EP400: variants seen among roughly 807,000 people sequenced by gnomAD.
EP400 encodes the protein E1A-binding protein p400.
Under a neutral mutation model 354.1 loss-of-function variants are expected in EP400, and 105 were observed. That is an observed-to-expected ratio of 0.30 (90% CI 0.25 to 0.35). The LOEUF (loss-of-function observed/expected upper bound fraction) is 0.35, where lower values mean the gene tolerates loss of function less well. EP400 is among the 10% of genes least tolerant of loss of function. EP400 has a pLI of 1.00. For synonymous variants in EP400, 1,646 were observed against 1,716.9 expected (o/e 0.96, Z 1.02); for missense variants, 3,280 against 4,121.0 (o/e 0.80, Z 5.59).
At chr12:131,997,580 A>G (rs1224726882) in intron 12 of EP400, among the ~76,000 whole-genome samples, 3 of 152,176 alleles carry the variant, frequency 2.0e-5, no homozygotes, top group African/African-American at 7.2e-5. Flanking sequence ...TGTGTATTTA[A>G]TATTACGTAC....
At chr12:131,998,024 G>A (rs1893275690) in intron 12 of EP400, among the ~76,000 whole-genome samples, 2 of 152,094 alleles carry the variant, frequency 1.3e-5, no homozygotes, top group African/African-American at 4.8e-5. Context: ...TGCATATTTG[G>A]AAAGCCATAT....
chr12:132,049,650 G>A (rs1452205981), intron 39 of EP400, among the ~76,000 whole-genome samples: 1 of 152,198 alleles, frequency 6.6e-6, no homozygotes. Flanking sequence ...GGAAGGAGGT[G>A]CTTGAGCCCT....
chr12:132,078,041 C>T lies in EP400; in HGVS notation c.*368C>T, dbSNP rs907301676. The T allele has an allele frequency of 2.3e-5, 5 of 220,956 alleles. No homozygotes were observed. The highest frequency in any genetic ancestry group is 1.0e-4 in the East Asian group (1 of 9,650). The allele number at this position is 220,956 out of a possible 1,614,324, so 13.7% of individuals were successfully genotyped here. On this transcript the variant is annotated 3_prime_UTR_variant, in exon 53 of 53. Coordinates refer to ENST00000389561, the MANE Select transcript of EP400 (RefSeq NM_015409.5). ...TTTGCACGCCACAGAAGCCGTCTGC[C>T]GTGTGTGAGGAGCATACAATGGACT...
Position 132,006,244 on chromosome 12 carries a change from A to G in EP400, c.3068A>G (p.Asp1023Gly), listed in dbSNP as rs1331451155. ...AAGCCAAACGCCAAGGACATTGCGGACGTCACTGCGGTGGCTGAAGCCATC... is the reference window on the plus strand; with the variant it reads ...AAGCCAAACGCCAAGGACATTGCGGGCGTCACTGCGGTGGCTGAAGCCATC... ...IGKPNAKDIA[D>G]VTAVAEAILP... Residue 1023 changes from aspartate to glycine, a missense_variant, in exon 14 of 53, where the codon GAC (aspartate) becomes GGC (glycine). By Grantham distance (94) the Asp-to-Gly change is moderately conservative (BLOSUM62 -1). Around this residue, in one of 20 missense-constraint regions of EP400, gnomAD observed 800 missense variants for 840.0 expected, o/e 0.95. Coordinates refer to ENST00000389561, the MANE Select transcript of EP400 (RefSeq NM_015409.5). 2.5e-6 allele frequency: 4 copies of G among 1,614,228 alleles called. No homozygotes were observed. The Middle Eastern group carries it at 6.6e-4, about 266-fold the overall frequency.
chr12:132,027,622 C>A lies in EP400; in HGVS notation c.5109+91C>A. Reference sequence around the variant, plus strand: ...GTTTGGTTGTGATATTTAAAGGCTCCTGTGAATTCTCAAGTGATGTTACTG... The same window carrying A: ...GTTTGGTTGTGATATTTAAAGGCTCATGTGAATTCTCAAGTGATGTTACTG... On this transcript the variant is annotated intron_variant, in intron 26 of 52. Transcript: ENST00000389561. The surrounding 1 kb of genome is among the most constrained non-coding windows in gnomAD (Gnocchi z 4.9). 9.7e-7 allele frequency: 1 copy of A among 1,033,360 alleles called. No individual in the cohort carries two copies. The highest frequency in any genetic ancestry group is 1.4e-6 in the Non-Finnish European group (1 of 717,202). The allele number at this position is 1,033,360 out of a possible 1,614,324, so 64.0% of individuals were successfully genotyped here.
At chr12:131,999,912 T>C (rs775908361) in intron 12 of EP400, among the ~76,000 whole-genome samples, 22 of 152,074 alleles carry the variant, frequency 1.4e-4, no homozygotes, top group Non-Finnish European at 2.4e-4. Context: ...TGTATGTCCC[T>C]TCTTTCTCCT....
chr12:132,063,469 C>G (rs1194138991), intron 47 of EP400, among the ~76,000 whole-genome samples: 1 of 151,994 alleles, frequency 6.6e-6, no homozygotes, highest in Non-Finnish European at 1.5e-5. Context: ...CCACTGCACT[C>G]CAGCCTGGGC....
At chr12:131,954,344 T>G (rs1891620058) in intron 1 of EP400, among the ~76,000 whole-genome samples, 1 of 152,052 alleles carries the variant, frequency 6.6e-6, no homozygotes, top group South Asian at 2.1e-4. Context: ...CCCAGCACTT[T>G]GGGAGATTAA....
chr12:132,015,041 C>T (rs374229771), intron 19 of EP400, among the ~76,000 whole-genome samples: 36 of 152,344 alleles, frequency 2.4e-4, no homozygotes, highest in South Asian at 2.1e-3. Flanking sequence ...AGCCAGAGGG[C>T]GTGCACTCAT....
At position 132,045,885 on chromosome 12, in the gene EP400, A is replaced by C; in HGVS notation, c.7185A>C (p.Pro2395=). 1.9e-6 allele frequency: 3 copies of C among 1,614,206 alleles called. No individual in the cohort carries two copies. The highest frequency in any genetic ancestry group is 2.5e-6 in the Non-Finnish European group (3 of 1,180,036). ...ATCGCTACGAGAATGTCATCATTCC[A>C]CGAGAGGAGGGGAAGGTAAGCACGG... is the stretch of plus-strand genomic sequence containing the variant. The part of the protein sequence containing the change: ...CRNRYENVII[P]REEGKSKNNR... The change falls in exon 39 of 53, where the codon CCA becomes CCC. Residue 2395 remains proline (P), a synonymous_variant. Transcript: ENST00000389561.
chr12:132,011,357 C>T (rs1026630384), intron 15 of EP400, 141 bp from the exon 16 acceptor site: 16 of 1,014,018 alleles, frequency 1.6e-5, no homozygotes, highest in South Asian at 3.5e-5. Context: ...TGCACTTGTT[C>T]CCCCCCAAGT....
rs773377639 is a variant in EP400 at position 132,050,400 on chromosome 12, G to A, written c.7278G>A (p.Thr2426=). The A allele has an allele frequency of 8.1e-6, 13 of 1,613,962 alleles. No homozygotes were observed. The highest frequency in any genetic ancestry group is 2.2e-5 in the East Asian group (1 of 44,884). ...ATGCCACACACACCCAGCTGTACAC[G>A]AGCCACTTTGACTTAATGAAAATGA... ...DENATHTQLY[T]SHFDLMKMTA... The change falls in exon 40 of 53, where the codon ACG becomes ACA. Residue 2426 remains threonine, a synonymous_variant. Transcript: ENST00000389561. This position sits in a 1 kb window ranked among gnomAD's most constrained non-coding sequence, Gnocchi z 4.8.
chr12:132,068,208 A>T (rs1483983517), intron 50 of EP400: 1 of 152,468 alleles, frequency 6.6e-6, no homozygotes, highest in East Asian at 1.9e-4. Context: ...TTCTGTTGGC[A>T]CTGCTGTCTG....
intron 51 of EP400, among the ~76,000 whole-genome samples, chr12:132,073,379 C>A (rs1896122963): frequency 1.3e-5 from 2 of 151,724 alleles, no homozygotes; most frequent in African/African-American, 2.4e-5. Context: ...TCTTCTCCAG[C>A]AATGATCTTA....
At chr12:131,950,473 GA>G (rs1891430706) in intron 1 of EP400, among the ~76,000 whole-genome samples, 1 of 152,170 alleles carries the variant, frequency 6.6e-6, no homozygotes, top group South Asian at 2.1e-4. Context: ...GAGATGCGGG[GA>G]TGGGACGTCC....
intron 15 of EP400, among the ~76,000 whole-genome samples, chr12:132,011,244 T>C (rs1593344820): frequency 1.3e-5 from 2 of 152,228 alleles, no homozygotes; most frequent in African/African-American, 2.4e-5. Context: ...GCTCGTTCAA[T>C]GTGTGTCTAC....
Position 131,959,245 on chromosome 12 carries a change from G to C in EP400, c.-35-1340G>C, listed in dbSNP as rs530735082. 2.6e-5 allele frequency among the ~76,000 whole-genome samples: 4 copies of C among 152,298 alleles called. No homozygotes were observed. In the East Asian group the frequency reaches 7.7e-4, roughly 29 times the overall value. On this transcript the variant is annotated intron_variant, in intron 1 of 52. Transcript: ENST00000389561. Reference sequence around the variant, plus strand: ...AGATTGAAGCAGCAGCTGCCCCCTTGATGTGGGACAGTGTCCAACCTCTCC... The same window carrying C: ...AGATTGAAGCAGCAGCTGCCCCCTTCATGTGGGACAGTGTCCAACCTCTCC...
intron 2 of EP400, among the ~76,000 whole-genome samples, chr12:131,975,447 G>A (rs980937920): frequency 6.6e-6 from 1 of 152,190 alleles, no homozygotes; most frequent in African/African-American, 2.4e-5. Flanking sequence ...CGCCAGCGCT[G>A]CACTGCACTG....
At chr12:132,015,408 A>G (rs954410791) in intron 19 of EP400, among the ~76,000 whole-genome samples, 4 of 152,200 alleles carry the variant, frequency 2.6e-5, no homozygotes, top group African/African-American at 7.2e-5. Context: ...TTGGTAACAT[A>G]CTAGTTGTCA....
Sources: allele counts gnomAD v4.1 joint callset (sites outside exome capture counted in the v4.1 genomes callset), GRCh38; gene constraint gnomAD v4.1.1; regional missense constraint gnomAD v4.1.1; non-coding constraint Gnocchi (gnomAD v3.1); transcripts MANE v1.5; gene names NCBI Gene and HGNC (gene_info 2026-07-23, HGNC 2026-07-21).